The following TAB2 variants were observed in gnomAD, a reference collection of about 807,000 sequenced individuals.
The protein encoded by TAB2 is TGF-beta activated kinase 1 (MAP3K7) binding protein 2, also known as TGF-beta-activated kinase 1 and MAP3K7-binding protein 2.
TAB2 carries 3 observed loss-of-function variants against 65.0 expected under a neutral mutation model. The ratio of observed to expected loss-of-function variants is 0.05; its 90% CI spans 0.02 to 0.12. The LOEUF (loss-of-function observed/expected upper bound fraction) is 0.12. TAB2 is among the 10% of genes least tolerant of loss of function. TAB2 has a pLI of 1.00. For missense variants in TAB2, 623 were observed against 840.3 expected (o/e 0.74, Z 3.20); for synonymous variants, 298 against 285.1 (o/e 1.05, Z -0.46).
chr6:149,391,661 C>T (rs1474270446), intron 3 of TAB2, among the ~76,000 whole-genome samples: 1 of 152,074 alleles, frequency 6.6e-6, no homozygotes, highest in Non-Finnish European at 1.5e-5. Flanking sequence ...CCCACCTCAG[C>T]ATCTGGAGTA....
rs201097254 is a variant in TAB2 at position 149,379,067 on chromosome 6, A to G, written c.1152A>G (p.Gln384=). 2.5e-6 allele frequency: 4 copies of G among 1,614,182 alleles called. No homozygotes were observed. In the East Asian group the frequency reaches 8.9e-5, roughly 36 times the overall value. Residue 384 remains glutamine (Q), a synonymous_variant, in exon 3 of 7, where the codon CAA becomes CAG. Coordinates refer to ENST00000637181, the MANE Select transcript of TAB2 (RefSeq NM_001292034.3). ...CGGATGAGCTGATGTCCCGTAGTCA[A>G]CCTAAGGTCTATATTTCAGCGAATG... is the stretch of plus-strand genomic sequence containing the variant. ...PNTDELMSRS[Q]PKVYISANAA...
intron 1 of TAB2, among the ~76,000 whole-genome samples, chr6:149,358,394 G>A (rs758430987): frequency 1.6e-4 from 25 of 152,086 alleles, no homozygotes; most frequent in Admixed American, 7.2e-4. Flanking sequence ...GCATCCTGTT[G>A]AACTCAAAAA....
At chr6:149,228,713 C>A (rs563384010) in intron 1 of TAB2, among the ~76,000 whole-genome samples, 1 of 152,212 alleles carries the variant, frequency 6.6e-6, no homozygotes, top group Non-Finnish European at 1.5e-5. Flanking sequence ...ATTAAAAGAG[C>A]CTTTGTCAAA....
At chr6:149,334,610 G>A (rs979364354) in intron 1 of TAB2, among the ~76,000 whole-genome samples, 3 of 151,680 alleles carry the variant, frequency 2.0e-5, no homozygotes, top group East Asian at 1.9e-4. Context: ...CCAGGAGTTC[G>A]AGGCTGCATA....
chr6:149,244,027 A>G (rs888856409), intron 1 of TAB2: 2 of 152,284 alleles, frequency 1.3e-5, no homozygotes, highest in Non-Finnish European at 2.9e-5. Context: ...AAGAAAGCAG[A>G]TACAGCCCAT....
intron 1 of TAB2, among the ~76,000 whole-genome samples, chr6:149,256,290 G>A (rs113821552): frequency 6.6e-6 from 1 of 152,224 alleles, no homozygotes; most frequent in African/African-American, 2.4e-5. Context: ...GGGCATTGGA[G>A]TAAAGGAAAT....
intron 1 of TAB2, among the ~76,000 whole-genome samples, chr6:149,309,676 C>A (rs867283888): frequency 6.6e-6 from 1 of 151,746 alleles, no homozygotes; most frequent in Non-Finnish European, 1.5e-5. Flanking sequence ...GGATTACAGG[C>A]GTGAGCCACC....
chr6:149,345,841 G>A (rs560051), intron 1 of TAB2, among the ~76,000 whole-genome samples: 60,525 of 151,746 alleles, frequency 0.4, 12,236 homozygotes, highest in East Asian at 0.6. Context: ...TTTTTTTTCA[G>A]TCAATAAGGT....
At chr6:149,319,314 A>T (rs1262284092) in intron 1 of TAB2, among the ~76,000 whole-genome samples, 2 of 152,224 alleles carry the variant, frequency 1.3e-5, no homozygotes, top group African/African-American at 4.8e-5. Context: ...CCTTTTAAAA[A>T]ATATCTTTAC....
At chr6:149,292,564 A>T (rs1055747576) in intron 1 of TAB2, among the ~76,000 whole-genome samples, 4 of 152,258 alleles carry the variant, frequency 2.6e-5, no homozygotes, top group African/African-American at 9.6e-5. Context: ...AAGAAGAACC[A>T]GTCGTTAAAT....
intron 2 of TAB2, 109 bp downstream of exon 2, chr6:149,370,208 A>T: frequency 9.7e-7 from 1 of 1,026,680 alleles, no homozygotes. Flanking sequence ...GTGTATTATG[A>T]TGAAAAGAGA....
intron 1 of TAB2, among the ~76,000 whole-genome samples, chr6:149,310,469 T>C (rs1014744820): frequency 2.6e-5 from 4 of 152,226 alleles, no homozygotes; most frequent in Non-Finnish European, 5.9e-5. Context: ...TTTTTAGATT[T>C]CTTCTTACAA....
At chr6:149,288,634 A>G (rs149995853) in intron 1 of TAB2, among the ~76,000 whole-genome samples, 5 of 152,320 alleles carry the variant, frequency 3.3e-5, no homozygotes, top group African/African-American at 9.6e-5. Context: ...CTGCAATTGT[A>G]CTATGCATGA....
chr6:149,237,554 AG>A (rs1777517694), intron 1 of TAB2, among the ~76,000 whole-genome samples: 1 of 152,228 alleles, frequency 6.6e-6, no homozygotes, highest in Admixed American at 6.5e-5. Context: ...AGAGGCAGTC[AG>A]TCCTGCCTTT....
chr6:149,312,217 C>T (rs1779177471), intron 1 of TAB2, among the ~76,000 whole-genome samples: 1 of 152,228 alleles, frequency 6.6e-6, no homozygotes, highest in African/African-American at 2.4e-5. Context: ...ACAACACATA[C>T]ATACCACATT....
intron 1 of TAB2, among the ~76,000 whole-genome samples, chr6:149,308,295 C>T (rs1236745257): frequency 1.3e-5 from 2 of 152,084 alleles, no homozygotes; most frequent in African/African-American, 4.8e-5. Flanking sequence ...TTGCAGGAAG[C>T]GTACACTGAT....
intron 1 of TAB2, among the ~76,000 whole-genome samples, chr6:149,228,679 C>T (rs1215829789): frequency 2.0e-5 from 3 of 152,242 alleles, no homozygotes; most frequent in African/African-American, 4.8e-5. Context: ...CAGCAATGTG[C>T]GCTGGCAAAG....
At chr6:149,267,458 C>T (rs1408869207) in intron 1 of TAB2, among the ~76,000 whole-genome samples, 1 of 152,194 alleles carries the variant, frequency 6.6e-6, no homozygotes, top group Non-Finnish European at 1.5e-5. Context: ...AGCTTGATAA[C>T]TGGCATGATA....
rs369620892 is a variant in TAB2, at chr6:149,332,390, G to A, written c.-90+14375G>A. Among the ~76,000 whole-genome samples the A allele has an allele frequency of 9.9e-5, 15 of 152,106 alleles. No individual in the cohort carries two copies. The East Asian group carries it at 1.9e-3, about 20-fold the overall frequency. On this transcript the variant is annotated intron_variant, in intron 1 of 6. Transcript: ENST00000637181. ...GTAATTTCAGATTTATTAGCAAAAAGCCAGACTCTTCTAACATGTGAAAGA... is the reference window on the plus strand; with the variant it reads ...GTAATTTCAGATTTATTAGCAAAAAACCAGACTCTTCTAACATGTGAAAGA...
Sources: gnomAD v4.1 joint callset for allele counts (sites outside exome capture counted in the v4.1 genomes callset) on GRCh38, gnomAD v4.1.1 for gene constraint, MANE v1.5 for transcripts, NCBI Gene and HGNC (gene_info 2026-07-23, HGNC 2026-07-21) for gene names.